The following DOCK3 variants were observed in gnomAD, a reference collection of about 807,000 sequenced individuals.
The protein encoded by DOCK3 is dedicator of cytokinesis 3.
Under a neutral mutation model 265.6 loss-of-function variants are expected in DOCK3, and 60 were observed. The observed-to-expected ratio is 0.23, with a 90% CI of 0.18 to 0.28. The LOEUF is 0.28. Ranked by LOEUF, DOCK3 falls within the 10% of genes least tolerant of loss-of-function variation. The pLI, the probability that DOCK3 is intolerant of heterozygous loss-of-function variation, is 1.00. For missense variants in DOCK3, 1,981 were observed against 2,594.3 expected, an observed-to-expected ratio of 0.76 and a Z score of 5.14; for synonymous variants, 881 against 938.0, an observed-to-expected ratio of 0.94 and a Z score of 1.11.
intron 1 of DOCK3, among the ~76,000 whole-genome samples, chr3:50,764,142 G>C (rs1348919677): frequency 6.6e-6 from 1 of 151,616 alleles, no homozygotes; most frequent in African/African-American, 2.4e-5. Context: ...TTTTCTTGAT[G>C]GATGGTTTCC....
Position 50,997,641 on chromosome 3 carries a change from A to G in DOCK3, c.315+63564A>G, listed in dbSNP as rs143903905. ...TTCTTAGAAATGGGACTCAGAAAGG[A>G]CCAAATTCCCCCTGACACCTGAGAC... is the stretch of plus-strand genomic sequence containing the variant. On this transcript the variant is annotated intron_variant, in intron 5 of 52. Transcript: ENST00000266037. Among the ~76,000 whole-genome samples, 998 of 152,280 alleles carry G rather than the reference A, an allele frequency of 6.6e-3. 6 individuals carry two copies. Among genetic ancestry groups the G allele is most frequent in the African/African-American group, 0.022 (933 of 41,560 alleles).
rs1345379004 is a variant in DOCK3 at position 51,016,957 on chromosome 3, A to G, written c.316-47491A>G. Reference sequence around the variant, plus strand: ...ACAATATATGTTATATATAATATATATATTATATATATATAAATAAATGGT... The same window carrying G: ...ACAATATATGTTATATATAATATATGTATTATATATATATAAATAAATGGT... On this transcript the variant is annotated intron_variant, in intron 5 of 52. Transcript: ENST00000266037. Among the ~76,000 whole-genome samples, 8 of 21,828 alleles carry G rather than the reference A, an allele frequency of 3.7e-4. 1 individual carries two copies. Among genetic ancestry groups the G allele is most frequent in the African/African-American group, 2.7e-3 (8 of 2,916 alleles). The allele number at this position is 21,828 out of a possible 152,430, so 14.3% of individuals were successfully genotyped here.
intron 2 of DOCK3, among the ~76,000 whole-genome samples, chr3:50,824,802 C>T (rs996057639): frequency 1.3e-5 from 2 of 152,128 alleles, no homozygotes; most frequent in African/African-American, 4.8e-5. Context: ...CTTTGAGCTA[C>T]GACTAGGAAG....
intron 2 of DOCK3, among the ~76,000 whole-genome samples, chr3:50,781,771 C>T (rs964937515): frequency 4.6e-5 from 7 of 152,106 alleles, no homozygotes; most frequent in Admixed American, 2.6e-4. Context: ...TGATCCTCTG[C>T]CTCTTCCTAC....
intron 1 of DOCK3, among the ~76,000 whole-genome samples, chr3:50,767,043 G>A (rs1246266969): frequency 6.6e-5 from 10 of 152,078 alleles, no homozygotes; most frequent in Non-Finnish European, 8.8e-5. Context: ...GGTAGATTGC[G>A]AAAATATTCT....
At chr3:50,996,286 C>T (rs1030551147) in intron 5 of DOCK3, among the ~76,000 whole-genome samples, 14 of 151,502 alleles carry the variant, frequency 9.2e-5, no homozygotes, top group South Asian at 8.4e-4. Flanking sequence ...GGCGCTATCT[C>T]GGCTCACTGC....
intron 3 of DOCK3, among the ~76,000 whole-genome samples, chr3:50,847,206 T>A (rs2046125935): frequency 6.6e-6 from 1 of 152,222 alleles, no homozygotes; most frequent in Non-Finnish European, 1.5e-5. Context: ...GTTTTTTGAT[T>A]TCTGCCTTAA....
intron 9 of DOCK3, among the ~76,000 whole-genome samples, chr3:51,133,218 G>A (rs1465921795): frequency 1.3e-5 from 2 of 152,022 alleles, no homozygotes; most frequent in African/African-American, 4.8e-5. Context: ...ACAACGTGCA[G>A]GTTTGTTACA....
intron 50 of DOCK3, 102 bp from the exon 51 acceptor site, chr3:51,375,646 C>A: frequency 7.6e-7 from 1 of 1,323,338 alleles, no homozygotes; most frequent in South Asian, 1.2e-5. Context: ...TTGTTTTCCC[C>A]GTCTGATCTT....
intron 21 of DOCK3, among the ~76,000 whole-genome samples, chr3:51,245,429 C>G (rs148564006): frequency 7.1e-6 from 1 of 140,632 alleles, no homozygotes; most frequent in African/African-American, 2.7e-5. Flanking sequence ...CTTGCACTGT[C>G]GCCTGGGCTG....
chr3:51,157,619 G>A (rs1049977502), intron 10 of DOCK3, among the ~76,000 whole-genome samples: 2 of 152,160 alleles, frequency 1.3e-5, no homozygotes, highest in East Asian at 1.9e-4. Context: ...CTGGGACTAG[G>A]CTAAGGCAAA....
chr3:51,277,233 A>G (rs1362482980), intron 25 of DOCK3, among the ~76,000 whole-genome samples: 1 of 152,366 alleles, frequency 6.6e-6, no homozygotes, highest in South Asian at 2.1e-4. Flanking sequence ...CTCAAACTTT[A>G]TCATTCCAAA....
At chr3:51,055,698 C>G (rs543475848) in intron 5 of DOCK3, among the ~76,000 whole-genome samples, 11 of 152,288 alleles carry the variant, frequency 7.2e-5, no homozygotes, top group Non-Finnish European at 1.5e-4. Flanking sequence ...CACTTGGCAT[C>G]TATCCATCCG....
At chr3:50,754,962 A>G (rs1289058081) in intron 1 of DOCK3, among the ~76,000 whole-genome samples, 1 of 152,028 alleles carries the variant, frequency 6.6e-6, no homozygotes, top group African/African-American at 2.4e-5. Context: ...AGTTTCATAT[A>G]TAAGTATTTT....
In DOCK3 at chr3:51,306,850, C is replaced by A. The variant is rs565896912; in HGVS notation, c.2923-3382C>A. Among the ~76,000 whole-genome samples, 33 of 152,170 alleles carry A rather than the reference C, an allele frequency of 2.2e-4. No homozygotes were observed. The South Asian group carries it at 5.6e-3, about 26-fold the overall frequency. ...TCTTTAAGTGTGATTTCCTTCATTT[C>A]TTTGTTTAAAGTATTTTCCAAGCAA... On this transcript the variant is annotated intron_variant, in intron 27 of 52. Transcript: ENST00000266037.
intron 3 of DOCK3, among the ~76,000 whole-genome samples, chr3:50,848,618 C>G (rs1403333164): frequency 6.6e-6 from 1 of 152,192 alleles, no homozygotes; most frequent in East Asian, 1.9e-4. Context: ...AATAGGCCCC[C>G]AATCTCTCCT....
intron 27 of DOCK3, among the ~76,000 whole-genome samples, chr3:51,304,040 C>T (rs1318649): frequency 0.77 from 117,251 of 152,068 alleles, 46,228 homozygotes; most frequent in Middle Eastern, 0.87. Flanking sequence ...GATCTGCGGA[C>T]ACCATAGCCG....
At chr3:50,778,270 TTGA>T (rs1394836563) in intron 1 of DOCK3, among the ~76,000 whole-genome samples, 1 of 152,180 alleles carries the variant, frequency 6.6e-6, no homozygotes, top group African/African-American at 2.4e-5. Context: ...TCAAATTTAT[TTGA>T]TGATTCTTTT....
intron 1 of DOCK3, among the ~76,000 whole-genome samples, chr3:50,700,896 T>C (rs1454362569): frequency 6.6e-6 from 1 of 152,224 alleles, no homozygotes; most frequent in Non-Finnish European, 1.5e-5. Context: ...GCCATACTAA[T>C]TTAGATTCCT....
Sources: allele counts gnomAD v4.1 joint callset (sites outside exome capture counted in the v4.1 genomes callset), GRCh38; gene constraint gnomAD v4.1.1; transcripts MANE v1.5; gene names NCBI Gene and HGNC (gene_info 2026-07-23, HGNC 2026-07-21).